RABGAP1L: variants seen among roughly 807,000 people sequenced by gnomAD.
RABGAP1L encodes the protein RAB GTPase activating protein 1 like.
In RABGAP1L, 63 loss-of-function variants were observed where a neutral mutation model predicts 137.7. That is an observed-to-expected ratio of 0.46 (90% CI 0.37 to 0.56). The LOEUF is 0.56. Among genes scored for constraint, RABGAP1L ranks in the 20% least tolerant of loss-of-function variants. The probability of loss-of-function intolerance (pLI) is 0.00; values close to 1 mark genes in which losing one functional copy is unlikely to be tolerated. For missense variants in RABGAP1L, 1,095 were observed against 1,244.0 expected, an observed-to-expected ratio of 0.88 and a Z score of 1.80; for synonymous variants, 431 against 433.7, an observed-to-expected ratio of 0.99 and a Z score of 0.08.
At chr1:174,759,023 T>G (rs1684998332) in intron 18 of RABGAP1L, among the ~76,000 whole-genome samples, 1 of 152,118 alleles carries the variant, frequency 6.6e-6, no homozygotes, top group Non-Finnish European at 1.5e-5. Context: ...TTAGGTAGCT[T>G]TTAGGCCACC....
intron 19 of RABGAP1L, among the ~76,000 whole-genome samples, chr1:174,856,068 C>T (rs1338509064): frequency 2.6e-5 from 4 of 152,122 alleles, no homozygotes; most frequent in Non-Finnish European, 5.9e-5. Flanking sequence ...TTTGTTTGTA[C>T]TGGCAGAGCG....
chr1:174,461,149 G>A (rs988682052), intron 13 of RABGAP1L, among the ~76,000 whole-genome samples: 3 of 152,080 alleles, frequency 2.0e-5, no homozygotes, highest in Non-Finnish European at 2.9e-5. Flanking sequence ...GAAAGGTTTC[G>A]AAATTTTTTT....
At chr1:174,976,918 G>A (rs778726735) in intron 22 of RABGAP1L, among the ~76,000 whole-genome samples, 2 of 152,214 alleles carry the variant, frequency 1.3e-5, no homozygotes, top group Non-Finnish European at 2.9e-5. Flanking sequence ...GTCCCAGCCA[G>A]GGGCCTGACA....
At chr1:174,739,273 C>T (rs749311149) in intron 17 of RABGAP1L, among the ~76,000 whole-genome samples, 1 of 152,050 alleles carries the variant, frequency 6.6e-6, no homozygotes, top group Non-Finnish European at 1.5e-5. Context: ...TATTTTGTTC[C>T]ATAAAAGCTA....
At position 174,834,000 on chromosome 1, in the gene RABGAP1L, G is replaced by A. The variant is rs567967595; in HGVS notation, c.2340+22040G>A. 1.0e-3 allele frequency among the ~76,000 whole-genome samples: 156 copies of A among 152,212 alleles called. 1 individual carries two copies. Among genetic ancestry groups the A allele is most frequent in the Non-Finnish European group, 1.8e-3 (120 of 68,002 alleles). The stretch of plus-strand genomic sequence containing the variant: ...GCTTTTAGAGGAGCTTGTATTTCTG[G>A]AAAAATAGTAGACTAGATGTCAATA... On this transcript the variant is annotated intron_variant, in intron 19 of 25. Coordinates refer to ENST00000681986, the MANE Select transcript of RABGAP1L (RefSeq NM_001366446.1).
chr1:174,314,592 A>G (rs1414026253), intron 11 of RABGAP1L, among the ~76,000 whole-genome samples: 1 of 151,980 alleles, frequency 6.6e-6, no homozygotes, highest in Non-Finnish European at 1.5e-5. Context: ...GCATCATTAG[A>G]AGGTTTATTT....
At chr1:174,816,146 G>GTTTTTT (rs1390462547) in intron 19 of RABGAP1L, among the ~76,000 whole-genome samples, 1 of 87,960 alleles carries the variant, frequency 1.1e-5, no homozygotes, top group Non-Finnish European at 2.4e-5. Flanking sequence ...ATAATACATA[G>GTTTTTT]CTTTTTTTTT....
At chr1:174,321,386 C>T (rs565644347) in intron 11 of RABGAP1L, among the ~76,000 whole-genome samples, 4 of 152,206 alleles carry the variant, frequency 2.6e-5, no homozygotes, top group African/African-American at 9.6e-5. Context: ...CCTATTCGTA[C>T]ACTCCCTCCC....
intron 1 of RABGAP1L, among the ~76,000 whole-genome samples, chr1:174,215,557 G>A (rs1669236476): frequency 6.6e-6 from 1 of 151,924 alleles, no homozygotes; most frequent in South Asian, 2.1e-4. Flanking sequence ...ATGGCAAAAA[G>A]GCATATGAAA....
At chr1:174,401,161 C>T (rs2149101790) in intron 13 of RABGAP1L, among the ~76,000 whole-genome samples, 1 of 152,180 alleles carries the variant, frequency 6.6e-6, no homozygotes, top group East Asian at 1.9e-4. Context: ...GCACACCTTG[C>T]CTTGGTAACA....
chr1:174,896,525 C>T (rs554318256), intron 19 of RABGAP1L, among the ~76,000 whole-genome samples: 1 of 152,218 alleles, frequency 6.6e-6, no homozygotes, highest in East Asian at 1.9e-4. Flanking sequence ...ATGCCTATGT[C>T]CTGAATGGTA....
chr1:174,549,438 T>G (rs1666265875), intron 13 of RABGAP1L, among the ~76,000 whole-genome samples: 1 of 152,176 alleles, frequency 6.6e-6, no homozygotes, highest in African/African-American at 2.4e-5. Flanking sequence ...GACTGGATTT[T>G]AAACATTGGA....
intron 13 of RABGAP1L, among the ~76,000 whole-genome samples, chr1:174,505,712 G>A (rs1661751877): frequency 6.6e-6 from 1 of 151,842 alleles, no homozygotes; most frequent in Non-Finnish European, 1.5e-5. Flanking sequence ...AATATAAATT[G>A]GTACAACCAT....
At chr1:174,617,082 C>T (rs1671957429) in intron 13 of RABGAP1L, among the ~76,000 whole-genome samples, 1 of 152,094 alleles carries the variant, frequency 6.6e-6, no homozygotes, top group Non-Finnish European at 1.5e-5. Context: ...TATACTGTGT[C>T]CAGCAGCTAG....
intron 19 of RABGAP1L, among the ~76,000 whole-genome samples, chr1:174,927,289 A>G (rs1369015774): frequency 1.3e-5 from 2 of 152,202 alleles, no homozygotes; most frequent in Non-Finnish European, 2.9e-5. Context: ...TTACTTTTGC[A>G]CCAACCTAGT....
chr1:174,839,349 A>G (rs965142919), intron 19 of RABGAP1L, among the ~76,000 whole-genome samples: 1 of 152,166 alleles, frequency 6.6e-6, no homozygotes, highest in African/African-American at 2.4e-5. Flanking sequence ...ACATCCACAC[A>G]CAGATACTTG....
intron 11 of RABGAP1L, among the ~76,000 whole-genome samples, chr1:174,366,778 GAAAAAAAAAAAAAAA>G (rs71117562): frequency 1.1e-3 from 100 of 94,814 alleles, no homozygotes; most frequent in African/African-American, 1.6e-3. Flanking sequence ...CCGTCTCCAG[GAAAAAAAAAAAAAAA>G]AAAAAAAAAA....
At chr1:174,534,802 A>AAAAAAAAAAAAAATAATAAT (rs1553324953) in intron 13 of RABGAP1L, among the ~76,000 whole-genome samples, 6 of 137,264 alleles carry the variant, frequency 4.4e-5, no homozygotes, top group Non-Finnish European at 7.8e-5. Flanking sequence ...AAAAAAAAAA[A>AAAAAAAAAAAAAATAATAAT]AATAATTAGA....
At chr1:174,509,041 A>G (rs1016918023) in intron 13 of RABGAP1L, among the ~76,000 whole-genome samples, 17 of 152,232 alleles carry the variant, frequency 1.1e-4, no homozygotes, top group African/African-American at 3.6e-4. Context: ...AGAAGAGTCT[A>G]TTCATGGCAA....
Sources: allele counts gnomAD v4.1 joint callset (sites outside exome capture counted in the v4.1 genomes callset), GRCh38; gene constraint gnomAD v4.1.1; transcripts MANE v1.5; gene names NCBI Gene and HGNC (gene_info 2026-07-23, HGNC 2026-07-21).